The following ABL1 variants were observed in gnomAD, a reference collection of about 807,000 sequenced individuals.
ABL1 encodes ABL proto-oncogene 1, non-receptor tyrosine kinase, also known as tyrosine-protein kinase ABL1.
In ABL1, 11 loss-of-function variants were observed where a neutral mutation model predicts 94.7. The observed-to-expected ratio is 0.12, with a 90% CI of 0.07 to 0.19. ABL1 has a LOEUF of 0.19. ABL1 is among the 10% of genes least tolerant of loss of function. The pLI is 1.00. For missense variants in ABL1, 1,082 were observed against 1,489.4 expected, an observed-to-expected ratio of 0.73 and a Z score of 4.50; for synonymous variants, 656 against 622.4, an observed-to-expected ratio of 1.05 and a Z score of -0.80.
At chr9:130,855,422 A>G (rs893958304) in intron 3 of ABL1, among the ~76,000 whole-genome samples, 4 of 152,198 alleles carry the variant, frequency 2.6e-5, no homozygotes, top group African/African-American at 7.2e-5. Flanking sequence ...AATATTTTAT[A>G]ATGATAGAAA....
At chr9:130,815,162 C>T (rs889386227) in intron 1 of ABL1, among the ~76,000 whole-genome samples, 4 of 151,856 alleles carry the variant, frequency 2.6e-5, no homozygotes, top group African/African-American at 9.7e-5. Context: ...GGTGAAACCC[C>T]ATCTCTACTA....
At chr9:130,790,749 C>T (rs1055598337) in intron 1 of ABL1, among the ~76,000 whole-genome samples, 9 of 151,904 alleles carry the variant, frequency 5.9e-5, no homozygotes, top group African/African-American at 1.9e-4. Flanking sequence ...GCTGGGATTA[C>T]AAGCATGAGC....
chr9:130,783,812 C>T (rs550548361), intron 1 of ABL1, among the ~76,000 whole-genome samples: 40 of 152,170 alleles, frequency 2.6e-4, no homozygotes, highest in African/African-American at 9.2e-4. Context: ...GGCATCACCA[C>T]GCCCAGCTAA....
intron 8 of ABL1, among the ~76,000 whole-genome samples, chr9:130,879,327 T>A (rs1011889997): frequency 2.0e-5 from 3 of 152,258 alleles, no homozygotes; most frequent in Admixed American, 1.3e-4. Flanking sequence ...CGTCCATATA[T>A]TCAGATCTCT....
At chr9:130,735,953 A>ATT (rs869189501) in intron 1 of ABL1, among the ~76,000 whole-genome samples, 1 of 81,546 alleles carries the variant, frequency 1.2e-5, no homozygotes, top group African/African-American at 1.1e-4. Context: ...ATATATATAT[A>ATT]TATATATATT....
At chr9:130,716,894 G>A (rs1831449123) in intron 1 of ABL1, among the ~76,000 whole-genome samples, 1 of 152,010 alleles carries the variant, frequency 6.6e-6, no homozygotes, top group South Asian at 2.1e-4. Flanking sequence ...GGGATTACAG[G>A]TGTGCACCAC....
chr9:130,766,714 A>G (rs1479253417), intron 1 of ABL1, among the ~76,000 whole-genome samples: 1 of 152,076 alleles, frequency 6.6e-6, no homozygotes, highest in Non-Finnish European at 1.5e-5. Flanking sequence ...ACAAGTGCCT[A>G]GAATAAACCT....
At chr9:130,832,787 T>A (rs1830507912), upstream of ABL1, among the ~76,000 whole-genome samples, 2 of 152,228 alleles carry the variant, frequency 1.3e-5, no homozygotes, top group Non-Finnish European at 2.9e-5. Flanking sequence ...CTTCTTGGGG[T>A]GTTCTTCTGG....
chr9:130,822,437 T>C (rs997462329), intron 1 of ABL1, among the ~76,000 whole-genome samples: 14 of 146,680 alleles, frequency 9.5e-5, no homozygotes, highest in Non-Finnish European at 1.8e-4. Context: ...TCCCCGCCCC[T>C]GCTTTTTTTT....
chr9:130,812,732 T>C (rs1830226168), intron 1 of ABL1, among the ~76,000 whole-genome samples: 1 of 152,160 alleles, frequency 6.6e-6, no homozygotes, highest in Non-Finnish European at 1.5e-5. Context: ...TTAACAACTC[T>C]CTCACAAAAA....
chr9:130,883,451 C>T (rs10124251), intron 10 of ABL1, among the ~76,000 whole-genome samples: 53,920 of 150,746 alleles, frequency 0.36, 14,142 homozygotes, highest in African/African-American at 0.75. Context: ...GAGCTGAGAT[C>T]GTGCCACTGC....
intron 1 of ABL1, among the ~76,000 whole-genome samples, chr9:130,739,239 T>C (rs968593298): frequency 2.6e-5 from 4 of 152,160 alleles, no homozygotes; most frequent in Non-Finnish European, 5.9e-5. Flanking sequence ...TGTTTGTTAG[T>C]GGTAAGCTGC....
chr9:130,852,136 T>C (rs1319214862), intron 1 of ABL1, among the ~76,000 whole-genome samples: 1 of 152,144 alleles, frequency 6.6e-6, no homozygotes, highest in Non-Finnish European at 1.5e-5. Flanking sequence ...TTGGGATTAC[T>C]CTTTCAGAGA....
chr9:130,861,772 A>T (rs531869722), intron 3 of ABL1, among the ~76,000 whole-genome samples: 1 of 152,270 alleles, frequency 6.6e-6, no homozygotes, highest in South Asian at 2.1e-4. Context: ...AAGCCAGTAG[A>T]TTCAGTTATG....
chr9:130,745,677 A>G (rs1831879591), intron 1 of ABL1, among the ~76,000 whole-genome samples: 1 of 152,022 alleles, frequency 6.6e-6, no homozygotes, highest in Non-Finnish European at 1.5e-5. Context: ...AACAGACCTC[A>G]GCTCTAGTTC....
chr9:130,808,940 A>G (rs917576086), intron 1 of ABL1, among the ~76,000 whole-genome samples: 1 of 152,226 alleles, frequency 6.6e-6, no homozygotes, highest in Admixed American at 6.5e-5. Flanking sequence ...GCGAATCCTG[A>G]GACCTGAGAA....
chr9:130,724,913 C>G, intron 1 of ABL1: 1 of 394,394 alleles, frequency 2.5e-6, no homozygotes, highest in Non-Finnish European at 5.1e-6. Flanking sequence ...ACCAGTCATA[C>G]TTCCTCTTGC....
chr9:130,880,455 C>A lies in ABL1; in HGVS notation c.1514-45C>A, dbSNP rs747513956. 1.2e-6 allele frequency: 2 copies of A among 1,607,328 alleles called. No homozygotes were observed. Among genetic ancestry groups the A allele is most frequent in the Non-Finnish European group, 1.7e-6 (2 of 1,174,782 alleles). Reference sequence around the variant, plus strand: ...CCACCACACCAAGCCAACACCAGTACTGATGGCTGCTGGATTTTTGTTTCT... The same window carrying A: ...CCACCACACCAAGCCAACACCAGTAATGATGGCTGCTGGATTTTTGTTTCT... On this transcript the variant is annotated intron_variant, in intron 9 of 10. Coordinates refer to ENST00000318560, the MANE Select transcript of ABL1 (RefSeq NM_005157.6). The surrounding 1 kb of genome is among the most constrained non-coding windows in gnomAD (Gnocchi z 4.4).
chr9:130,813,299 C>T (rs1028083195), intron 1 of ABL1, among the ~76,000 whole-genome samples: 5 of 151,150 alleles, frequency 3.3e-5, no homozygotes, highest in Non-Finnish European at 2.9e-5. Flanking sequence ...CGGTGGCTCA[C>T]GCCTGTAATC....
Sources: gnomAD v4.1 joint callset for allele counts (sites outside exome capture counted in the v4.1 genomes callset) on GRCh38, gnomAD v4.1.1 for gene constraint, Gnocchi (gnomAD v3.1) non-coding constraint, MANE v1.5 for transcripts, NCBI Gene and HGNC (gene_info 2026-07-23, HGNC 2026-07-21) for gene names.